The following CEP128 variants were observed in gnomAD, a reference collection of about 807,000 sequenced individuals.
The protein encoded by CEP128 is centrosomal protein 128, also known as centrosomal protein 128kDa.
CEP128 carries 132 observed loss-of-function variants against 156.7 expected under a neutral mutation model. That is an observed-to-expected ratio of 0.84 (90% CI 0.73 to 0.97). The LOEUF (loss-of-function observed/expected upper bound fraction) is 0.97. CEP128 is among the 50% of genes least tolerant of loss of function. CEP128 has a pLI of 0.00. For synonymous variants in CEP128, 469 were observed against 448.9 expected (o/e 1.04, Z -0.57); for missense variants, 1,252 against 1,281.9 (o/e 0.98, Z 0.36).
intron 16 of CEP128, among the ~76,000 whole-genome samples, chr14:80,770,111 C>A (rs1312711411): frequency 6.6e-6 from 1 of 152,126 alleles, no homozygotes; most frequent in South Asian, 2.1e-4. Context: ...TCCTCTAGAC[C>A]CTTGTAGTTA....
chr14:80,690,278 T>A (rs1301638752), intron 19 of CEP128, among the ~76,000 whole-genome samples: 1 of 145,914 alleles, frequency 6.9e-6, no homozygotes, highest in Non-Finnish European at 1.5e-5. Flanking sequence ...TAGCCGGGCA[T>A]GGTGGCACAT....
intron 19 of CEP128, among the ~76,000 whole-genome samples, chr14:80,651,117 G>A (rs907131903): frequency 3.3e-5 from 5 of 151,954 alleles, no homozygotes; most frequent in Admixed American, 6.6e-5. Context: ...GTCTATTCAG[G>A]GATTCAACTT....
At chr14:80,851,744 G>C (rs1886899792) in intron 9 of CEP128, among the ~76,000 whole-genome samples, 1 of 151,848 alleles carries the variant, frequency 6.6e-6, no homozygotes, top group Non-Finnish European at 1.5e-5. Context: ...ATAAGATAAA[G>C]TTATTTTTAA....
At chr14:80,488,970 TC>T, downstream of CEP128, among the ~76,000 whole-genome samples, 1 of 114,558 alleles carries the variant, frequency 8.7e-6, no homozygotes, top group East Asian at 2.9e-4. Context: ...AACATCACAC[TC>T]CAGGGACTGT....
At chr14:80,942,010 T>C (rs1886190108), upstream of CEP128, among the ~76,000 whole-genome samples, 1 of 150,852 alleles carries the variant, frequency 6.6e-6, no homozygotes, top group Non-Finnish European at 1.5e-5. Flanking sequence ...AGTTAGAAAG[T>C]GAATAAAAAT....
intron 19 of CEP128, among the ~76,000 whole-genome samples, chr14:80,634,872 T>C (rs1485979143): frequency 6.6e-6 from 1 of 152,196 alleles, no homozygotes; most frequent in East Asian, 1.9e-4. Flanking sequence ...TCAGGATAAC[T>C]TCCCTTATAT....
chr14:80,936,307 G>C (rs940890609), intron 2 of CEP128, among the ~76,000 whole-genome samples: 2 of 152,090 alleles, frequency 1.3e-5, no homozygotes, highest in African/African-American at 4.8e-5. Flanking sequence ...ACTTGAACCT[G>C]GGAGGTCGAG....
At chr14:80,515,989 C>A (rs1888469305) in intron 23 of CEP128, among the ~76,000 whole-genome samples, 1 of 152,208 alleles carries the variant, frequency 6.6e-6, no homozygotes, top group African/African-American at 2.4e-5. Context: ...CCTCAGCCTC[C>A]TGAGTAGCTG....
intron 2 of CEP128, chr14:80,955,842 G>T: frequency 6.2e-7 from 1 of 1,614,188 alleles, no homozygotes; most frequent in Non-Finnish European, 8.5e-7. Flanking sequence ...CGCCCAGTAC[G>T]CAGACTCTGT....
chr14:80,626,542 G>C (rs1006031410), intron 19 of CEP128, among the ~76,000 whole-genome samples: 3 of 149,864 alleles, frequency 2.0e-5, no homozygotes, highest in Non-Finnish European at 4.4e-5. Flanking sequence ...ATGCAATGTA[G>C]TGACAGAAGC....
At chr14:80,955,825 A>T in intron 2 of CEP128, 1 of 1,614,196 alleles carries the variant, frequency 6.2e-7, no homozygotes, top group Non-Finnish European at 8.5e-7. Flanking sequence ...ACGCATCCCC[A>T]GCTTACCGCC....
intron 18 of CEP128, among the ~76,000 whole-genome samples, chr14:80,747,678 A>G (rs1728499231): frequency 6.6e-6 from 1 of 152,168 alleles, no homozygotes; most frequent in South Asian, 2.1e-4. Context: ...ATGGTGGAAC[A>G]CGCCTATAAT....
At chr14:80,616,689 A>G (rs1010721726) in intron 19 of CEP128, among the ~76,000 whole-genome samples, 5 of 152,168 alleles carry the variant, frequency 3.3e-5, no homozygotes, top group African/African-American at 9.7e-5. Flanking sequence ...TTTCAAATTT[A>G]CCTTGCCATA....
At chr14:80,603,464 C>T (rs2140541942) in intron 19 of CEP128, among the ~76,000 whole-genome samples, 1 of 152,220 alleles carries the variant, frequency 6.6e-6, no homozygotes, top group South Asian at 2.1e-4. Flanking sequence ...CTAAAATGTA[C>T]ACTTTAAAAA....
At chr14:80,602,471 T>A (rs550557632) in intron 19 of CEP128, among the ~76,000 whole-genome samples, 166 of 152,262 alleles carry the variant, frequency 1.1e-3, no homozygotes, top group African/African-American at 3.9e-3. Flanking sequence ...ATCAATAATG[T>A]CTAAATAAAT....
chr14:80,830,057 A>C lies in CEP128; in HGVS notation c.1209+1086T>G, dbSNP rs538595812. ...AACATACTTTCTTTTTAAATACGTG[A>C]CTTCAGCAAAATAATCATATTTTAG... On this transcript the variant is annotated intron_variant, in intron 13 of 24. Transcript: ENST00000555265. 6.8e-5 allele frequency: 27 copies of C among 397,648 alleles called. No individual in the cohort carries two copies. In the Admixed American group the frequency reaches 8.2e-4, roughly 12 times the overall value. The allele number at this position is 397,648 out of a possible 1,614,324, so 24.6% of individuals were successfully genotyped here. A position where few individuals can be genotyped will look rare whatever the true frequency, so the allele number is the denominator to read the frequency against.
chr14:80,513,535 AT>A (rs1888354597), intron 23 of CEP128, among the ~76,000 whole-genome samples: 1 of 151,982 alleles, frequency 6.6e-6, no homozygotes, highest in African/African-American at 2.4e-5. Flanking sequence ...CTCTGTTATT[AT>A]TTCTTTGAAA....
chr14:80,589,566 G>A (rs1891959395), intron 19 of CEP128, among the ~76,000 whole-genome samples: 1 of 152,072 alleles, frequency 6.6e-6, no homozygotes, highest in South Asian at 2.1e-4. Flanking sequence ...AAAATTGTTA[G>A]TTTCCTCAGT....
intron 9 of CEP128, among the ~76,000 whole-genome samples, chr14:80,848,714 G>C (rs887251869): frequency 2.1e-4 from 32 of 151,382 alleles, no homozygotes; most frequent in African/African-American, 6.1e-4. Context: ...GAAAATTAGG[G>C]TGAGAGGAAT....
Sources: gnomAD v4.1 joint callset for allele counts (sites outside exome capture counted in the v4.1 genomes callset) on GRCh38, gnomAD v4.1.1 for gene constraint, MANE v1.5 for transcripts, NCBI Gene and HGNC (gene_info 2026-07-23, HGNC 2026-07-21) for gene names.